Variants in MAP2 observed in about 807,000 individuals in gnomAD.
The protein encoded by MAP2 is microtubule-associated protein 2.
In MAP2, 14 loss-of-function variants were observed where a neutral mutation model predicts 137.6. The observed-to-expected ratio is 0.10, with a 90% confidence interval of 0.07 to 0.16. The LOEUF (loss-of-function observed/expected upper bound fraction) is 0.16. Among genes scored for constraint, MAP2 ranks in the 10% least tolerant of loss-of-function variants. The pLI is 1.00. For missense variants in MAP2, 2,088 were observed against 2,191.5 expected, an observed-to-expected ratio of 0.95 and a Z score of 0.94; for synonymous variants, 786 against 782.3, an observed-to-expected ratio of 1.00 and a Z score of -0.08.
Position 209,468,963 on chromosome 2 carries a change from A to G in MAP2, c.-221-38629A>G, listed in dbSNP as rs140550699. ...CTCTTAACTTCCAGCTTCCAGGATA[A>G]CATCCAAGATGATACTATCAGGACC... On this transcript the variant is annotated intron_variant, in intron 1 of 15. Coordinates refer to ENST00000682079, the MANE Select transcript of MAP2 (RefSeq NM_001375505.1). Among the ~76,000 whole-genome samples the G allele has an allele frequency of 4.2e-3, 644 of 152,300 alleles. 9 individuals are homozygous for G. The highest frequency in any genetic ancestry group is 0.015 in the African/African-American group (614 of 41,566).
At chr2:209,607,380 G>A (rs1174714580) in intron 3 of MAP2, among the ~76,000 whole-genome samples, 1 of 152,124 alleles carries the variant, frequency 6.6e-6, no homozygotes. Context: ...TTTGAAAGAT[G>A]GTAAACTATT....
At chr2:209,438,938 C>A (rs1201067347) in intron 1 of MAP2, among the ~76,000 whole-genome samples, 1 of 151,058 alleles carries the variant, frequency 6.6e-6, no homozygotes, top group Non-Finnish European at 1.5e-5. Context: ...ATAAAATAGA[C>A]CTCCTGTTGG....
chr2:209,672,328 T>G (rs2049208732), intron 5 of MAP2, among the ~76,000 whole-genome samples: 1 of 151,896 alleles, frequency 6.6e-6, no homozygotes, highest in Non-Finnish European at 1.5e-5. Context: ...ATAATCTCAG[T>G]GTCTGACAAA....
intron 2 of MAP2, among the ~76,000 whole-genome samples, chr2:209,527,640 C>T (rs2064281317): frequency 6.6e-6 from 1 of 152,058 alleles, no homozygotes; most frequent in South Asian, 2.1e-4. Flanking sequence ...GTGGCTGTGC[C>T]CTCTTAGAGG....
intron 3 of MAP2, among the ~76,000 whole-genome samples, chr2:209,582,685 AGATAGATAGATAGAT>A (rs1362102717): frequency 2.6e-5 from 4 of 151,840 alleles, no homozygotes; most frequent in Non-Finnish European, 5.9e-5. Context: ...ATAGATAGAT[AGATAGATAGATAGAT>A]AGAATATTTT....
At chr2:209,640,009 G>C (rs1475620508) in intron 4 of MAP2, among the ~76,000 whole-genome samples, 2 of 152,058 alleles carry the variant, frequency 1.3e-5, no homozygotes, top group Non-Finnish European at 2.9e-5. Flanking sequence ...GTGTTGCCTA[G>C]CCCAAGTCTC....
At chr2:209,620,594 A>G (rs1432110940) in intron 3 of MAP2, among the ~76,000 whole-genome samples, 2 of 152,204 alleles carry the variant, frequency 1.3e-5, no homozygotes, top group East Asian at 3.8e-4. Flanking sequence ...AACTAATTCT[A>G]TAATAAGCAC....
intron 1 of MAP2, 146 bp from the exon 2 acceptor site, chr2:209,507,446 G>A (rs933588042): frequency 1.3e-5 from 2 of 151,962 alleles, no homozygotes; most frequent in African/African-American, 2.4e-5. Flanking sequence ...TAACCGTCAC[G>A]TATTGTAAAT....
intron 2 of MAP2, among the ~76,000 whole-genome samples, chr2:209,577,595 TATC>T (rs1262922345): frequency 3.3e-5 from 5 of 152,216 alleles, no homozygotes; most frequent in African/African-American, 1.2e-4. Flanking sequence ...AATGAATTAT[TATC>T]ATTATTATTG....
Position 209,705,574 on chromosome 2 carries a change from A to C in MAP2, c.4585-6A>C, listed in dbSNP as rs200946487. The C allele has an allele frequency of 1.3e-6, 2 of 1,596,224 alleles. No homozygotes were observed. The highest frequency in any genetic ancestry group is 2.2e-5 in the East Asian group (1 of 44,556). On this transcript the variant is annotated splice_polypyrimidine_tract_variant and splice_region_variant and intron_variant, in intron 11 of 15. Coordinates refer to ENST00000682079, the MANE Select transcript of MAP2 (RefSeq NM_001375505.1). ...ACCCAATGTTCTTTTTGTTTTCTCCAATCAGGACGGAGTAACCAAGAGCCC... is the reference window on the plus strand; with the variant it reads ...ACCCAATGTTCTTTTTGTTTTCTCCCATCAGGACGGAGTAACCAAGAGCCC...
intron 2 of MAP2, among the ~76,000 whole-genome samples, chr2:209,534,076 A>G (rs959620892): frequency 1.3e-5 from 2 of 152,200 alleles, no homozygotes; most frequent in Non-Finnish European, 2.9e-5. Flanking sequence ...AAGACCTGCC[A>G]AAGTGCTCAG....
intron 6 of MAP2, 73 bp downstream of exon 6, chr2:209,678,758 A>G (rs757890026): frequency 2.7e-4 from 223 of 814,444 alleles, no homozygotes; most frequent in Non-Finnish European, 3.9e-4. Context: ...CTTCATGTTC[A>G]AAAGATAGGC....
At chr2:209,478,928 CT>C (rs1352360376) in intron 1 of MAP2, among the ~76,000 whole-genome samples, 4 of 152,148 alleles carry the variant, frequency 2.6e-5, no homozygotes, top group African/African-American at 9.7e-5. Context: ...TTTGAAACAA[CT>C]TTTTTAAAAG....
chr2:209,689,816 T>C (rs900846963), intron 7 of MAP2, among the ~76,000 whole-genome samples: 13 of 152,236 alleles, frequency 8.5e-5, no homozygotes, highest in Non-Finnish European at 1.5e-5. Context: ...ATGATAATAG[T>C]TGTGTCCCAG....
chr2:209,464,209 T>G (rs1000900022), intron 1 of MAP2, among the ~76,000 whole-genome samples: 1 of 152,142 alleles, frequency 6.6e-6, no homozygotes, highest in Non-Finnish European at 1.5e-5. Flanking sequence ...TATCTCAGTA[T>G]AAAGAAAAAA....
chr2:209,697,159 A>G (rs529734976), intron 10 of MAP2, 108 bp downstream of exon 10: 23 of 1,171,094 alleles, frequency 2.0e-5, no homozygotes, highest in Non-Finnish European at 2.2e-5. Flanking sequence ...CAAGAATCTC[A>G]GCAGTCATGA....
intron 5 of MAP2, among the ~76,000 whole-genome samples, chr2:209,668,796 T>G (rs1441100633): frequency 6.6e-6 from 1 of 152,050 alleles, no homozygotes; most frequent in Non-Finnish European, 1.5e-5. Context: ...GAGCTTTTAT[T>G]TTACAGCATT....
intron 3 of MAP2, among the ~76,000 whole-genome samples, chr2:209,585,872 G>A (rs2077578349): frequency 6.6e-6 from 1 of 152,182 alleles, no homozygotes; most frequent in South Asian, 2.1e-4. Context: ...CCTCCAAGGA[G>A]GATCTGAGAT....
At chr2:209,463,168 C>A (rs1317632166) in intron 1 of MAP2, among the ~76,000 whole-genome samples, 1 of 152,038 alleles carries the variant, frequency 6.6e-6, no homozygotes, top group Admixed American at 6.6e-5. Flanking sequence ...GAAGAAATGG[C>A]AAAAATTGTT....
Sources: allele counts gnomAD v4.1 joint callset (sites outside exome capture counted in the v4.1 genomes callset), GRCh38; gene constraint gnomAD v4.1.1; transcripts MANE v1.5; gene names NCBI Gene and HGNC (gene_info 2026-07-23, HGNC 2026-07-21).